RANBP10: variants seen among roughly 807,000 people sequenced by gnomAD.
The protein encoded by RANBP10 is ran-binding protein 10.
A neutral mutation model predicts 72.8 loss-of-function variants in RANBP10; 24 were observed. The ratio of observed to expected loss-of-function variants is 0.33; its 90% confidence interval spans 0.24 to 0.46. The LOEUF (loss-of-function observed/expected upper bound fraction) is 0.46, where lower values mean the gene tolerates loss of function less well. Among genes scored for constraint, RANBP10 ranks in the 20% least tolerant of loss-of-function variants. The probability of loss-of-function intolerance (pLI) is 1.00; values close to 1 mark genes in which losing one functional copy is unlikely to be tolerated. For synonymous variants in RANBP10, 310 were observed against 322.3 expected (o/e 0.96, Z 0.41); for missense variants, 679 against 817.5 (o/e 0.83, Z 2.07).
In RANBP10 at chr16:67,738,013, C is replaced by T. The variant is rs1234989184; in HGVS notation, c.591G>A (p.Pro197=). 5 of 1,589,590 alleles carry T rather than the reference C, an allele frequency of 3.1e-6. No individual in the cohort carries two copies. Among genetic ancestry groups the T allele is most frequent in the Non-Finnish European group, 3.4e-6 (4 of 1,166,722 alleles). The part of the protein sequence containing the change: ...HSLGIAFTDL[P]ANLYPTVGLQ... ...GGGAAGACTCAATAGTAGTACTCAC[C>T]GGGAGGTCTGTGAAGGCTATACCTG... Residue 197 remains proline, a splice_region_variant and synonymous_variant, in exon 5 of 14, where the codon CCG becomes CCA. Transcript: ENST00000317506.
chr16:67,782,559 C>T (rs2054832295), intron 2 of RANBP10, among the ~76,000 whole-genome samples: 1 of 152,088 alleles, frequency 6.6e-6, no homozygotes. Context: ...TCAGGCAATT[C>T]TCCTGCATCA....
In RANBP10 at chr16:67,771,988, T is replaced by A. The variant is rs757371319; in HGVS notation, c.400+46A>T. 3.8e-6 allele frequency: 6 copies of A among 1,583,342 alleles called. No homozygotes were observed. In the South Asian group the frequency reaches 7.0e-5, roughly 19 times the overall value. On this transcript the variant is annotated intron_variant, in intron 3 of 13. Coordinates refer to ENST00000317506, the MANE Select transcript of RANBP10 (RefSeq NM_020850.3). ...CTACCACCATGACTCTCAACCCCAA[T>A]TGGATCAGGAGAGCAGAACAAATGT...
chr16:67,794,180 G>A (rs1181189515), intron 2 of RANBP10, among the ~76,000 whole-genome samples: 1 of 152,178 alleles, frequency 6.6e-6, no homozygotes, highest in East Asian at 1.9e-4. Flanking sequence ...GCTCAAGCCT[G>A]TAATCCCAGC....
intron 2 of RANBP10, among the ~76,000 whole-genome samples, chr16:67,803,553 G>A (rs2055274229): frequency 1.3e-5 from 2 of 151,550 alleles, no homozygotes; most frequent in African/African-American, 4.9e-5. Context: ...AGGAGGCTGA[G>A]GCAGGAGAAT....
intron 3 of RANBP10, 95 bp downstream of exon 3, chr16:67,771,935 GCAAA>G (rs2054614363): frequency 7.1e-7 from 1 of 1,399,814 alleles, no homozygotes; most frequent in African/African-American, 1.5e-5. Context: ...TAGGCAGCTA[GCAAA>G]CAAAGTCCTC....
chr16:67,744,168 A>C, intron 4 of RANBP10, 120 bp downstream of exon 4: 1 of 1,493,970 alleles, frequency 6.7e-7, no homozygotes, highest in Non-Finnish European at 8.9e-7. Context: ...AATGCCTGGA[A>C]ATGGTGCGGT....
rs1334254720 is a variant in RANBP10, at chr16:67,744,315, A to G, written c.541T>C (p.Phe181Leu). Residue 181 changes from phenylalanine to leucine, a missense_variant, in exon 4 of 14, where the codon TTC becomes CTC. Phe to Leu is a conservative substitution (Grantham distance 22). Transcript: ENST00000317506. ...CCVNLINGTCFYTKNGHSLGI... is the reference protein window; with the variant it reads ...CCVNLINGTCLYTKNGHSLGI... ...AGGCTGTGGCCATTCTTGGTGTAGA[A>G]GCAGGTGCCATTGATGAGGTTGACA... 1.2e-6 allele frequency: 2 copies of G among 1,613,962 alleles called. No individual in the cohort carries two copies. The highest frequency in any genetic ancestry group is 1.3e-5 in the African/African-American group (1 of 74,904).
At chr16:67,783,043 G>A (rs920380169) in intron 2 of RANBP10, among the ~76,000 whole-genome samples, 6 of 152,122 alleles carry the variant, frequency 3.9e-5, no homozygotes, top group East Asian at 1.9e-4. Context: ...CTAGCACCCC[G>A]AGTCTTGACA....
chr16:67,767,310 A>C (rs2054520426), intron 3 of RANBP10, among the ~76,000 whole-genome samples: 1 of 152,120 alleles, frequency 6.6e-6, no homozygotes, highest in East Asian at 1.9e-4. Context: ...AGTTTTTACT[A>C]GGCAGGCATG....
intron 3 of RANBP10, among the ~76,000 whole-genome samples, chr16:67,754,642 T>C (rs1036212361): frequency 2.6e-5 from 4 of 152,176 alleles, no homozygotes; most frequent in African/African-American, 9.7e-5. Flanking sequence ...CCCGGCCCCA[T>C]ATTTTGCAGT....
intron 3 of RANBP10, among the ~76,000 whole-genome samples, chr16:67,745,516 G>A (rs1274323868): frequency 1.3e-5 from 2 of 151,800 alleles, no homozygotes; most frequent in East Asian, 3.9e-4. Flanking sequence ...TGTATTTTTA[G>A]TAGAGACGGG....
chr16:67,727,480 A>G (rs780469099), intron 12 of RANBP10, 42 bp from the exon 13 acceptor site: 75 of 1,557,140 alleles, frequency 4.8e-5, no homozygotes, highest in Non-Finnish European at 6.3e-5. Context: ...GGCACACACC[A>G]TAGCTCACCC....
At chr16:67,780,863 C>G (rs1247489543) in intron 2 of RANBP10, among the ~76,000 whole-genome samples, 1 of 152,256 alleles carries the variant, frequency 6.6e-6, no homozygotes, top group Non-Finnish European at 1.5e-5. Flanking sequence ...AGCCAAAGTG[C>G]TCAGTCAGAG....
At chr16:67,755,819 AG>A (rs1332480869) in intron 3 of RANBP10, among the ~76,000 whole-genome samples, 1 of 152,008 alleles carries the variant, frequency 6.6e-6, no homozygotes, top group Non-Finnish European at 1.5e-5. Flanking sequence ...TCTGACAGAG[AG>A]GACCACCCAA....
chr16:67,790,205 C>G (rs184719355), intron 2 of RANBP10, among the ~76,000 whole-genome samples: 1 of 151,444 alleles, frequency 6.6e-6, no homozygotes, highest in African/African-American at 2.4e-5. Context: ...ACAAAAGGAC[C>G]AATATTGTAG....
At chr16:67,782,860 T>C (rs2054839755) in intron 2 of RANBP10, among the ~76,000 whole-genome samples, 1 of 152,276 alleles carries the variant, frequency 6.6e-6, no homozygotes, top group East Asian at 1.9e-4. Context: ...AGCCATCTCT[T>C]AAAAGCCACT....
chr16:67,801,691 G>T (rs1049828694), intron 2 of RANBP10, among the ~76,000 whole-genome samples: 3 of 152,088 alleles, frequency 2.0e-5, no homozygotes, highest in Non-Finnish European at 4.4e-5. Context: ...GGTGGCTCCT[G>T]CCTGCAATCC....
intron 4 of RANBP10, chr16:67,738,786 C>T (rs914530611): frequency 6.6e-6 from 1 of 152,124 alleles, no homozygotes; most frequent in Admixed American, 6.5e-5. Flanking sequence ...CCATGGCCTT[C>T]TCTTCACTGG....
chr16:67,765,633 G>A (rs891787589), intron 3 of RANBP10, among the ~76,000 whole-genome samples: 9 of 151,954 alleles, frequency 5.9e-5, no homozygotes, highest in Admixed American at 1.3e-4. Flanking sequence ...TCAGGAGATC[G>A]AGACCATCCT....
Sources: gnomAD v4.1 joint callset for allele counts (sites outside exome capture counted in the v4.1 genomes callset) on GRCh38, gnomAD v4.1.1 for gene constraint, MANE v1.5 for transcripts, NCBI Gene and HGNC (gene_info 2026-07-23, HGNC 2026-07-21) for gene names.